Variants in CTNND2 observed in about 807,000 individuals in gnomAD.
The protein encoded by CTNND2 is catenin delta 2.
CTNND2 carries 22 observed loss-of-function variants against 144.4 expected under a neutral mutation model. The observed-to-expected ratio is 0.15, with a 90% CI of 0.11 to 0.22. CTNND2 has a LOEUF of 0.22. Ranked by LOEUF, CTNND2 falls within the 10% of genes least tolerant of loss-of-function variation. The probability of loss-of-function intolerance (pLI) is 1.00; values close to 1 mark genes in which losing one functional copy is unlikely to be tolerated. For missense variants in CTNND2, 1,353 were observed against 1,618.8 expected (o/e 0.84, Z 2.82); for synonymous variants, 751 against 695.6 (o/e 1.08, Z -1.25).
intron 1 of CTNND2, among the ~76,000 whole-genome samples, chr5:11,892,921 C>T (rs991357280): frequency 6.6e-6 from 1 of 152,186 alleles, no homozygotes; most frequent in Non-Finnish European, 1.5e-5. Flanking sequence ...TGAGAAAGCA[C>T]TTGTAAAGAC....
chr5:11,384,030 T>A lies in CTNND2; in HGVS notation c.1177+635A>T, dbSNP rs1255001584. Among the ~76,000 whole-genome samples the A allele has an allele frequency of 6.6e-6, 1 of 152,124 alleles. No homozygotes were observed. Among genetic ancestry groups the A allele is most frequent in the African/African-American group, 2.4e-5 (1 of 41,432 alleles). The stretch of plus-strand genomic sequence containing the variant: ...GCAGGTACAAATTTAAGGGACTTCA[T>A]CATTGCTAACTTTGTCGCAAATGTT... On this transcript the variant is annotated intron_variant, in intron 7 of 21. Transcript: ENST00000304623. This position sits in a 1 kb window ranked among gnomAD's most constrained non-coding sequence, Gnocchi z 5.2.
At chr5:11,802,764 T>C (rs1791767002) in intron 1 of CTNND2, among the ~76,000 whole-genome samples, 1 of 152,250 alleles carries the variant, frequency 6.6e-6, no homozygotes, top group African/African-American at 2.4e-5. Context: ...TTTCTTCTTT[T>C]TATGATAAAT....
intron 1 of CTNND2, among the ~76,000 whole-genome samples, chr5:11,775,976 G>A (rs960948757): frequency 1.3e-5 from 2 of 152,096 alleles, no homozygotes; most frequent in Non-Finnish European, 2.9e-5. Flanking sequence ...ATCCTGCCAC[G>A]AGCCAACTCC....
At chr5:11,316,146 T>C (rs1751450361) in intron 9 of CTNND2, among the ~76,000 whole-genome samples, 1 of 152,214 alleles carries the variant, frequency 6.6e-6, no homozygotes. Flanking sequence ...CTGGAGCTTA[T>C]AATTAGGGTA....
chr5:11,471,016 C>T (rs547846890), intron 3 of CTNND2, among the ~76,000 whole-genome samples: 17 of 126,576 alleles, frequency 1.3e-4, no homozygotes, highest in Non-Finnish European at 1.8e-4. Flanking sequence ...CTCTCTCTGT[C>T]GCTGAGGCTG....
At chr5:11,237,097 G>A (rs1741732212) in intron 9 of CTNND2, among the ~76,000 whole-genome samples, 1 of 150,622 alleles carries the variant, frequency 6.6e-6, no homozygotes. Context: ...TCAGCTCACT[G>A]CAAGCTCCGC....
chr5:11,473,548 G>A (rs891717615), intron 3 of CTNND2, among the ~76,000 whole-genome samples: 2 of 152,194 alleles, frequency 1.3e-5, no homozygotes, highest in African/African-American at 4.8e-5. Flanking sequence ...TTCTCTCACT[G>A]GTGCTGAGAA....
At chr5:11,363,242 T>G (rs1214322601) in intron 8 of CTNND2, among the ~76,000 whole-genome samples, 1 of 151,664 alleles carries the variant, frequency 6.6e-6, no homozygotes, top group Non-Finnish European at 1.5e-5. Context: ...TGAATTAAAG[T>G]TTTTTTTTCT....
intron 2 of CTNND2, among the ~76,000 whole-genome samples, chr5:11,645,757 C>T (rs1257426926): frequency 6.6e-6 from 1 of 151,926 alleles, no homozygotes; most frequent in African/African-American, 2.4e-5. Flanking sequence ...AGTTTACATC[C>T]TTATCATAAA....
chr5:11,684,349 G>A (rs1024182193), intron 2 of CTNND2, among the ~76,000 whole-genome samples: 8 of 151,928 alleles, frequency 5.3e-5, no homozygotes, highest in South Asian at 4.1e-4. Flanking sequence ...TGATCCACCC[G>A]CCTCGGCCTC....
chr5:11,786,654 C>A (rs1188782703), intron 1 of CTNND2, among the ~76,000 whole-genome samples: 2 of 152,190 alleles, frequency 1.3e-5, no homozygotes, highest in Non-Finnish European at 2.9e-5. Context: ...TGCCTTATTT[C>A]GGACTAAAGA....
At chr5:11,073,873 A>G (rs1748621711) in intron 16 of CTNND2, among the ~76,000 whole-genome samples, 1 of 152,242 alleles carries the variant, frequency 6.6e-6, no homozygotes, top group African/African-American at 2.4e-5. Context: ...CACTTTGTCT[A>G]AGAAATAAGG....
chr5:11,903,495 G>C lies in CTNND2; in HGVS notation c.37+322C>G. ...ATGCACCGAGTATGTTCTCAGGGTG[G>C]CGGGGAGCAGCATTGTCGGTGTTGC... On this transcript the variant is annotated intron_variant, in intron 1 of 21. Transcript: ENST00000304623. This position sits in a 1 kb window ranked among gnomAD's most constrained non-coding sequence, Gnocchi z 5.4. 1.5e-6 allele frequency: 1 copy of C among 685,600 alleles called. No individual in the cohort carries two copies. Among genetic ancestry groups the C allele is most frequent in the Non-Finnish European group, 2.0e-6 (1 of 495,806 alleles). The allele number at this position is 685,600 out of a possible 1,614,324, so 42.5% of individuals were successfully genotyped here. A position where few individuals can be genotyped will look rare whatever the true frequency, so the allele number is the denominator to read the frequency against.
chr5:11,430,720 C>T (rs538156165), intron 3 of CTNND2, among the ~76,000 whole-genome samples: 1 of 152,182 alleles, frequency 6.6e-6, no homozygotes, highest in African/African-American at 2.4e-5. Flanking sequence ...TCACCACCAC[C>T]AACATTATTC....
intron 3 of CTNND2, among the ~76,000 whole-genome samples, chr5:11,522,094 C>A (rs142170990): frequency 3.9e-5 from 6 of 152,194 alleles, no homozygotes; most frequent in Non-Finnish European, 5.9e-5. Flanking sequence ...TGTGGACACA[C>A]AGCGTGAGAA....
intron 9 of CTNND2, among the ~76,000 whole-genome samples, chr5:11,262,231 C>G (rs999673663): frequency 6.6e-6 from 1 of 152,102 alleles, no homozygotes; most frequent in Non-Finnish European, 1.5e-5. Context: ...CAGTAACTGA[C>G]CCACCAAAAG....
intron 2 of CTNND2, among the ~76,000 whole-genome samples, chr5:11,710,759 G>C (rs997684255): frequency 2.0e-5 from 3 of 152,128 alleles, no homozygotes; most frequent in Non-Finnish European, 2.9e-5. Flanking sequence ...TACAGCTGAA[G>C]GTCCGGGCAG....
At chr5:11,531,179 C>T (rs1773713706) in intron 3 of CTNND2, among the ~76,000 whole-genome samples, 2 of 152,110 alleles carry the variant, frequency 1.3e-5, no homozygotes, top group South Asian at 4.1e-4. Flanking sequence ...AAAAGGACAC[C>T]TGGCCAAGGA....
intron 1 of CTNND2, among the ~76,000 whole-genome samples, chr5:11,747,318 A>G (rs192828539): frequency 6.6e-5 from 10 of 152,334 alleles, no homozygotes; most frequent in African/African-American, 2.4e-4. Context: ...CAGTACTTTA[A>G]AATTTGACTC....
Sources: gnomAD v4.1 joint callset for allele counts (sites outside exome capture counted in the v4.1 genomes callset) on GRCh38, gnomAD v4.1.1 for gene constraint, Gnocchi (gnomAD v3.1) non-coding constraint, MANE v1.5 for transcripts, NCBI Gene and HGNC (gene_info 2026-07-23, HGNC 2026-07-21) for gene names.